The following CD300LD variants were observed in gnomAD, a reference collection of about 807,000 sequenced individuals.
CD300LD encodes the protein CMRF35-like molecule 5.
In CD300LD, 18 loss-of-function variants were observed where a neutral mutation model predicts 20.3. The observed-to-expected ratio is 0.89, with a 90% CI of 0.61 to 1.32. The LOEUF is 1.32. Among genes scored for constraint, CD300LD ranks in the 40% most tolerant of loss-of-function variants. CD300LD has a pLI of 0.00. For missense variants in CD300LD, 195 were observed against 226.6 expected (o/e 0.86, Z 0.90); for synonymous variants, 104 against 90.1 (o/e 1.15, Z -0.87).
rs780772148 is a variant in CD300LD, at chr17:74,579,613, G to A, written c.*389C>T. 1.8e-4 allele frequency: 30 copies of A among 164,184 alleles called. No individual in the cohort carries two copies. The highest frequency in any genetic ancestry group is 3.6e-4 in the Non-Finnish European group (27 of 75,554). The allele number at this position is 164,184 out of a possible 1,614,324, so 10.2% of individuals were successfully genotyped here. The stretch of plus-strand genomic sequence containing the variant: ...GAAATGTTGTTTTTCTGCCAGGTGC[G>A]GTGGCTCACACCTGTAATCCCACCA... On this transcript the variant is annotated 3_prime_UTR_variant, in exon 4 of 4. Transcript: ENST00000375352.
intron 2 of CD300LD, among the ~76,000 whole-genome samples, chr17:74,583,094 CCA>C (rs1252292635): frequency 6.6e-6 from 1 of 152,118 alleles, no homozygotes; most frequent in Non-Finnish European, 1.5e-5. Context: ...GGTAACACCA[CCA>C]CCATGATCAG....
At chr17:74,583,879 G>A (rs920396751) in intron 2 of CD300LD, among the ~76,000 whole-genome samples, 1 of 150,240 alleles carries the variant, frequency 6.7e-6, no homozygotes, top group Admixed American at 6.7e-5. Context: ...ACCCTCCCAA[G>A]CATCTGGGAC....
rs144681882 is a variant in CD300LD, at chr17:74,589,679, CT to C, written c.41-831del. ...AAACAATTCAAAACAGTGGAAATAC[CT>C]TAAGTGAGAGCTTTGCCAGAAATTC... On this transcript the variant is annotated intron_variant, in intron 1 of 3. Transcript: ENST00000375352. Among the ~76,000 whole-genome samples the C allele has an allele frequency of 4.0e-3, 616 of 152,304 alleles. 1 individual carries two copies. Among genetic ancestry groups the C allele is most frequent in the Non-Finnish European group, 5.7e-3 (390 of 68,024 alleles).
At chr17:74,582,126 G>A in intron 3 of CD300LD, 92 bp downstream of exon 3, 1 of 915,466 alleles carries the variant, frequency 1.1e-6, no homozygotes, top group East Asian at 2.5e-5. Flanking sequence ...CAGTGTAACT[G>A]GGCATGCTAT....
intron 3 of CD300LD, among the ~76,000 whole-genome samples, chr17:74,581,004 A>G (rs1055761554): frequency 9.9e-5 from 15 of 151,602 alleles, no homozygotes; most frequent in African/African-American, 3.4e-4. Context: ...TTTGGGGGAG[A>G]TGGAGGAGGG....
Position 74,588,806 on chromosome 17 carries a change from A to G in CD300LD, c.84T>C (p.Asn28=), listed in dbSNP as rs1237416318. The G allele has an allele frequency of 6.2e-7, 1 of 1,613,662 alleles. No individual in the cohort carries two copies. Among genetic ancestry groups the G allele is most frequent in the Admixed American group, 1.7e-5 (1 of 60,010 alleles). The change falls in exon 2 of 4, where the codon AAT becomes AAC. Residue 28 remains asparagine (N), a synonymous_variant. Coordinates refer to ENST00000375352, the MANE Select transcript of CD300LD (RefSeq NM_001115152.2). ...AAKITGPTTV[N]GSEQGSLTVQ... Reference sequence around the variant, plus strand: ...CAGTCAATGAGCCCTGCTCCGAGCCATTCACTGTTGTTGGACCAGTGATTT... The same window carrying G: ...CAGTCAATGAGCCCTGCTCCGAGCCGTTCACTGTTGTTGGACCAGTGATTT...
chr17:74,587,299 G>C (rs2030187355), intron 2 of CD300LD, among the ~76,000 whole-genome samples: 1 of 152,168 alleles, frequency 6.6e-6, no homozygotes, highest in African/African-American at 2.4e-5. Context: ...TCTTGTGACT[G>C]GTAGTTTGTG....
chr17:74,589,904 C>G (rs1027871122), intron 1 of CD300LD, among the ~76,000 whole-genome samples: 1 of 152,222 alleles, frequency 6.6e-6, no homozygotes, highest in Admixed American at 6.5e-5. Context: ...CGCCAAGAGA[C>G]ACCCAAGGTC....
At chr17:74,590,199 T>C (rs546692734) in intron 1 of CD300LD, among the ~76,000 whole-genome samples, 2 of 152,214 alleles carry the variant, frequency 1.3e-5, no homozygotes, top group Non-Finnish European at 2.9e-5. Flanking sequence ...CCTCTTTCAC[T>C]TGGCTCTCAT....
At chr17:74,582,140 T>G (rs1598127046) in intron 3 of CD300LD, 78 bp downstream of exon 3, 6 of 1,144,142 alleles carry the variant, frequency 5.2e-6, no homozygotes, top group Non-Finnish European at 7.7e-6. Flanking sequence ...ATGCTATTGT[T>G]GTATCTGGCA....
chr17:74,591,071 C>T (rs2030300247), intron 1 of CD300LD, among the ~76,000 whole-genome samples: 1 of 151,672 alleles, frequency 6.6e-6, no homozygotes, highest in Admixed American at 6.6e-5. Context: ...CACACCCTGT[C>T]TCAGAAGGAA....
At position 74,580,002 on chromosome 17, in the gene CD300LD, T is replaced by G. The variant is rs746117088; in HGVS notation, c.585A>C (p.Ter195CysextTer15). 9 of 1,605,360 alleles carry G rather than the reference T, an allele frequency of 5.6e-6. No individual in the cohort carries two copies. In the Admixed American group the frequency reaches 1.3e-4, roughly 24 times the overall value. The change falls in exon 4 of 4, where the codon TGA becomes TGC. Residue 195 changes from the stop codon to cysteine, a stop_lost. Coordinates refer to ENST00000375352, the MANE Select transcript of CD300LD (RefSeq NM_001115152.2). Reference sequence around the variant, plus strand: ...CATCATCGGGCTGACTCCTCCTCCTTCAAGACCTTCTTTGTGGTCTGTTTA... The same window carrying G: ...CATCATCGGGCTGACTCCTCCTCCTGCAAGACCTTCTTTGTGGTCTGTTTA... ...LWVNRPQRRS* is the reference protein window; with the variant it reads ...LWVNRPQRRSC
chr17:74,582,196 G>C (rs750404446), intron 3 of CD300LD, 22 bp downstream of exon 3: 1 of 1,609,784 alleles, frequency 6.2e-7, no homozygotes, highest in South Asian at 1.1e-5. Flanking sequence ...GTGCGAAAGT[G>C]GTGGGACCTG....
At chr17:74,586,758 T>C (rs187605234) in intron 2 of CD300LD, among the ~76,000 whole-genome samples, 122 of 152,294 alleles carry the variant, frequency 8.0e-4, no homozygotes, top group African/African-American at 2.6e-3. Flanking sequence ...GGGATTAATT[T>C]TGGGTAAAAG....
intron 2 of CD300LD, among the ~76,000 whole-genome samples, chr17:74,588,068 C>T (rs575260136): frequency 2.2e-4 from 34 of 152,210 alleles, no homozygotes; most frequent in Admixed American, 2.1e-3. Context: ...CTAAGATGTC[C>T]GAGGTTGAGG....
Position 74,588,814 on chromosome 17 carries a change from T to C in CD300LD, c.76A>G (p.Thr26Ala). The C allele has an allele frequency of 1.9e-6, 3 of 1,610,804 alleles. No individual in the cohort carries two copies. The highest frequency in any genetic ancestry group is 2.2e-5 in the East Asian group (1 of 44,790). The change falls in exon 2 of 4, where the codon ACA becomes GCA. Residue 26 changes from threonine (T) to alanine (A), a missense_variant. By Grantham distance (58) the Thr-to-Ala change is moderately conservative (BLOSUM62 0). Coordinates refer to ENST00000375352, the MANE Select transcript of CD300LD (RefSeq NM_001115152.2). ...GAGCCCTGCTCCGAGCCATTCACTG[T>C]TGTTGGACCAGTGATTTTAGCGGCA... ...SIAAKITGPT[T>A]VNGSEQGSLT...
At position 74,592,075 on chromosome 17, in the gene CD300LD, T is replaced by C. The variant is rs1364578337; in HGVS notation, c.40+88A>G. ...GATGAATTGGCGCTGTCATTTTCCC[T>C]GACATGTCTCCTTCCTGAGAACAGA... On this transcript the variant is annotated intron_variant, in intron 1 of 3. Transcript: ENST00000375352. 8 of 1,612,168 alleles carry C rather than the reference T, an allele frequency of 5.0e-6. No homozygotes were observed. The South Asian group carries it at 7.7e-5, about 15-fold the overall frequency.
rs1252007032 is a variant in CD300LD at position 74,588,700 on chromosome 17, G to A, written c.190C>T (p.Leu64Phe). The part of the protein sequence containing the change: ...QGADWNYCNI[L>F]VKTNGSEQEV... ...TGCTCTGATCCATTTGTTTTAACAA[G>A]GATGTTACAGTAATTCCAATCAGCT... The change falls in exon 2 of 4, where the codon CTT (leucine) becomes TTT (phenylalanine). Residue 64 changes from leucine (L) to phenylalanine (F), a missense_variant. Leu to Phe is a conservative substitution (Grantham distance 22). Coordinates refer to ENST00000375352, the MANE Select transcript of CD300LD (RefSeq NM_001115152.2). The A allele has an allele frequency of 1.2e-6, 2 of 1,614,076 alleles. No homozygotes were observed. The highest frequency in any genetic ancestry group is 1.7e-6 in the Non-Finnish European group (2 of 1,180,050).
At chr17:74,586,232 A>G (rs783248) in intron 2 of CD300LD, among the ~76,000 whole-genome samples, 1,677 of 152,330 alleles carry the variant, frequency 0.011, 34 homozygotes, top group African/African-American at 0.037. Flanking sequence ...TGGGAACTGA[A>G]CTTCATTGCT....
Sources: gnomAD v4.1 joint callset for allele counts (sites outside exome capture counted in the v4.1 genomes callset) on GRCh38, gnomAD v4.1.1 for gene constraint, MANE v1.5 for transcripts, NCBI Gene and HGNC (gene_info 2026-07-23, HGNC 2026-07-21) for gene names.